NUDT21: variants seen among roughly 807,000 people sequenced by gnomAD.
NUDT21 encodes cleavage and polyadenylation specificity factor subunit 5.
Under a neutral mutation model 29.8 loss-of-function variants are expected in NUDT21, and 5 were observed. The observed-to-expected ratio is 0.17, with a 90% CI of 0.09 to 0.35. The LOEUF (loss-of-function observed/expected upper bound fraction) is 0.35. NUDT21 is among the 10% of genes least tolerant of loss of function. NUDT21 has a pLI of 1.00. For synonymous variants in NUDT21, 113 were observed against 98.5 expected, an observed-to-expected ratio of 1.15 and a Z score of -0.87; for missense variants, 76 against 276.0, an observed-to-expected ratio of 0.28 and a Z score of 5.13.
Position 56,451,278 on chromosome 16 carries a change from T to G in NUDT21, c.-76A>C, listed in dbSNP as rs890711905. 44 of 1,142,852 alleles carry G rather than the reference T, an allele frequency of 3.9e-5. No individual in the cohort carries two copies. Among genetic ancestry groups the G allele is most frequent in the Admixed American group, 3.7e-4 (18 of 48,992 alleles). The allele number at this position is 1,142,852 out of a possible 1,614,324, so 70.8% of individuals were successfully genotyped here. A position where few individuals can be genotyped will look rare whatever the true frequency, so the allele number is the denominator to read the frequency against. ...ACTTTCCCCGTGCGGGAAGCGGTTA[T>G]CTGCAATCCCCTCAGCGGCTACTGC... On this transcript the variant is annotated 5_prime_UTR_variant, in exon 1 of 7. Coordinates refer to ENST00000300291, the MANE Select transcript of NUDT21 (RefSeq NM_007006.3).
At chr16:56,436,469 A>G (rs1461968397) in intron 4 of NUDT21, among the ~76,000 whole-genome samples, 1 of 152,234 alleles carries the variant, frequency 6.6e-6, no homozygotes, top group African/African-American at 2.4e-5. Context: ...AGTTAGAATA[A>G]TTATATATCA....
At chr16:56,449,804 G>C (rs930228578) in intron 1 of NUDT21, among the ~76,000 whole-genome samples, 4 of 152,128 alleles carry the variant, frequency 2.6e-5, no homozygotes, top group East Asian at 1.9e-4. Context: ...AATTTTTGTA[G>C]AGACAGCCTA....
At chr16:56,442,603 T>C (rs1243454951) in intron 3 of NUDT21, among the ~76,000 whole-genome samples, 1 of 152,234 alleles carries the variant, frequency 6.6e-6, no homozygotes, top group South Asian at 2.1e-4. Context: ...AACGTCATGA[T>C]GATATGCCTT....
In NUDT21 at chr16:56,432,700, C is replaced by T. The variant is rs1423583672; in HGVS notation, c.*12G>A. 1 of 1,610,462 alleles carries T rather than the reference C, an allele frequency of 6.2e-7. No individual in the cohort carries two copies. Among genetic ancestry groups the T allele is most frequent in the Non-Finnish European group, 8.5e-7 (1 of 1,177,494 alleles). On this transcript the variant is annotated 3_prime_UTR_variant, in exon 7 of 7. Transcript: ENST00000300291. The stretch of plus-strand genomic sequence containing the variant: ...ACAAGCGGCTTCTTTTACTTCTCCA[C>T]TGCGCAGGAATTCAGTTGTAAATAA...
chr16:56,431,963 A>G lies in NUDT21; in HGVS notation c.*749T>C, dbSNP rs973923058. On this transcript the variant is annotated 3_prime_UTR_variant, in exon 7 of 7. Transcript: ENST00000300291. ...TTAGAAATTTCCTTCACAGATCCCTATTTTTACCATGGCTTTAAGAATAAG... is the reference window on the plus strand; with the variant it reads ...TTAGAAATTTCCTTCACAGATCCCTGTTTTTACCATGGCTTTAAGAATAAG... 9 of 152,158 alleles carry G rather than the reference A, an allele frequency of 5.9e-5. No homozygotes were observed. The highest frequency in any genetic ancestry group is 1.9e-4 in the African/African-American group (8 of 41,444). 9.4% of individuals were successfully genotyped at this position (152,158 alleles called of 1,614,324 possible).
chr16:56,438,283 C>T (rs1471645028), intron 4 of NUDT21, among the ~76,000 whole-genome samples: 1 of 152,218 alleles, frequency 6.6e-6, no homozygotes, highest in Non-Finnish European at 1.5e-5. Flanking sequence ...TCTTGGATCA[C>T]ACAGCCTTGG....
chr16:56,449,119 C>T (rs1189189220), intron 1 of NUDT21: 1 of 152,160 alleles, frequency 6.6e-6, no homozygotes, highest in African/African-American at 2.4e-5. Context: ...AACGACGTGC[C>T]AAGCAATTTT....
intron 3 of NUDT21, 39 bp from the exon 4 acceptor site, chr16:56,439,785 T>G (rs761783351): frequency 6.8e-7 from 1 of 1,480,450 alleles, no homozygotes; most frequent in Non-Finnish European, 9.4e-7. Context: ...ACTAAATATA[T>G]GTACTCACAA....
At position 56,429,702 on chromosome 16, in the gene NUDT21, G is replaced by A. The variant is rs1962011519; in HGVS notation, c.*3010C>T. ...ATCAAATCTTATGCTACAGAAAGCT[G>A]ACTTATACTACAGTCAACAACCACT... On this transcript the variant is annotated 3_prime_UTR_variant, in exon 7 of 7. Transcript: ENST00000300291. The A allele has an allele frequency of 6.6e-6, 1 of 152,166 alleles. No homozygotes were observed. Among genetic ancestry groups the A allele is most frequent in the Non-Finnish European group, 1.5e-5 (1 of 68,026 alleles). The allele number at this position is 152,166 out of a possible 1,614,324, so 9.4% of individuals were successfully genotyped here. A position where few individuals can be genotyped will look rare whatever the true frequency, so the allele number is the denominator to read the frequency against.
intron 4 of NUDT21, among the ~76,000 whole-genome samples, chr16:56,437,889 A>G (rs1206286776): frequency 6.6e-6 from 1 of 152,138 alleles, no homozygotes; most frequent in Non-Finnish European, 1.5e-5. Flanking sequence ...GAATAGCAGC[A>G]TATTTTTTTT....
intron 6 of NUDT21, 133 bp from the exon 7 acceptor site, chr16:56,432,866 G>A (rs1962051750): frequency 1.7e-6 from 1 of 574,466 alleles, no homozygotes; most frequent in East Asian, 3.0e-5. Context: ...CCCTTCGAAT[G>A]CCTTTTTACC....
At chr16:56,439,539 TAAG>T (rs1962138413) in intron 4 of NUDT21, 115 bp downstream of exon 4, 1 of 748,518 alleles carries the variant, frequency 1.3e-6, no homozygotes, top group Non-Finnish European at 2.4e-6. Context: ...TAATTTAAAT[TAAG>T]GAGGGAAGAA....
intron 4 of NUDT21, among the ~76,000 whole-genome samples, chr16:56,435,758 T>TAC (rs1359190283): frequency 1.3e-5 from 1 of 77,246 alleles, no homozygotes. Flanking sequence ...TATATATATA[T>TAC]ATATATATAT....
At chr16:56,436,070 G>C (rs1407703205) in intron 4 of NUDT21, among the ~76,000 whole-genome samples, 1 of 150,466 alleles carries the variant, frequency 6.6e-6, no homozygotes, top group East Asian at 1.9e-4. Flanking sequence ...GAGAATTAGA[G>C]AGGGAAGTTG....
At chr16:56,446,835 GA>G in intron 2 of NUDT21, 146 bp from the exon 3 acceptor site, 1 of 523,528 alleles carries the variant, frequency 1.9e-6, no homozygotes, top group South Asian at 2.9e-5. Flanking sequence ...TGAAGGGGGA[GA>G]ATATGCTTGA....
At chr16:56,435,535 G>A (rs1962087391) in intron 4 of NUDT21, among the ~76,000 whole-genome samples, 1 of 150,312 alleles carries the variant, frequency 6.7e-6, no homozygotes, top group Admixed American at 6.6e-5. Context: ...GACCATCCTG[G>A]CTAGCACAGT....
chr16:56,450,728 C>T (rs1464027643), intron 1 of NUDT21, among the ~76,000 whole-genome samples: 1 of 152,174 alleles, frequency 6.6e-6, no homozygotes, highest in African/African-American at 2.4e-5. Context: ...AAAGCAATAC[C>T]ATGTACGTGA....
chr16:56,450,048 T>A (rs1016089220), intron 1 of NUDT21, among the ~76,000 whole-genome samples: 5 of 152,166 alleles, frequency 3.3e-5, no homozygotes, highest in Non-Finnish European at 2.9e-5. Flanking sequence ...TCACTTTTGG[T>A]TGGGGGACGG....
At chr16:56,435,743 T>TATATA (rs1491361552) in intron 4 of NUDT21, among the ~76,000 whole-genome samples, 10 of 27,048 alleles carry the variant, frequency 3.7e-4, no homozygotes, top group African/African-American at 1.1e-3. Flanking sequence ...AAAAAAAAAA[T>TATATA]TATATATATA....
Sources: allele counts gnomAD v4.1 joint callset (sites outside exome capture counted in the v4.1 genomes callset), GRCh38; gene constraint gnomAD v4.1.1; transcripts MANE v1.5; gene names NCBI Gene and HGNC (gene_info 2026-07-23, HGNC 2026-07-21).